The following ECPAS variants were observed in gnomAD, a reference collection of about 807,000 sequenced individuals.
ECPAS encodes the protein proteasome adapter and scaffold protein ECM29.
A neutral mutation model predicts 255.1 loss-of-function variants in ECPAS; 70 were observed. The ratio of observed to expected loss-of-function variants is 0.27; its 90% CI spans 0.23 to 0.33. The LOEUF (loss-of-function observed/expected upper bound fraction) is 0.33. ECPAS is among the 10% of genes least tolerant of loss of function. The pLI, the probability that ECPAS is intolerant of heterozygous loss-of-function variation, is 1.00. For missense variants in ECPAS, 1,817 were observed against 2,206.4 expected, an observed-to-expected ratio of 0.82 and a Z score of 3.54; for synonymous variants, 784 against 775.0, an observed-to-expected ratio of 1.01 and a Z score of -0.19.
chr9:111,409,102 G>T (rs1387485653), intron 23 of ECPAS, among the ~76,000 whole-genome samples: 1 of 152,088 alleles, frequency 6.6e-6, no homozygotes, highest in African/African-American at 2.4e-5. Context: ...TATTTCACTA[G>T]ACCTTTTAGA....
chr9:111,397,093 T>C lies in ECPAS; in HGVS notation c.2713A>G (p.Thr905Ala). The change falls in exon 25 of 50, where the codon ACT becomes GCT. Residue 905 changes from threonine (T) to alanine (A), a missense_variant. Physicochemically the swap from Thr to Ala is moderately conservative, Grantham distance 58 (BLOSUM62 0). Coordinates refer to ENST00000684092, the MANE Select transcript of ECPAS (RefSeq NM_001364929.1). ...GEAITSAAIG[T>A]SSVAARDAWQ... ...GCATCTCGGGCAGCCACAGAACTAG[T>C]TCCTATTGCAGCACTGGTAATGGCT... The C allele has an allele frequency of 6.2e-7, 1 of 1,613,962 alleles. No homozygotes were observed. Among genetic ancestry groups the C allele is most frequent in the African/African-American group, 1.3e-5 (1 of 75,068 alleles).
At chr9:111,408,859 G>A (rs981847038) in intron 23 of ECPAS, among the ~76,000 whole-genome samples, 187 bp from the exon 24 acceptor site, 1 of 152,144 alleles carries the variant, frequency 6.6e-6, no homozygotes, top group East Asian at 1.9e-4. Context: ...ACACACAAAT[G>A]TGAGTCCACT....
chr9:111,462,640 A>T (rs2098274481), intron 2 of ECPAS, among the ~76,000 whole-genome samples: 1 of 152,180 alleles, frequency 6.6e-6, no homozygotes, highest in Non-Finnish European at 1.5e-5. Context: ...TCTGGAAATA[A>T]ATCTAATGAA....
intron 2 of ECPAS, among the ~76,000 whole-genome samples, chr9:111,462,104 T>C (rs1330644322): frequency 5.9e-5 from 9 of 152,186 alleles, no homozygotes; most frequent in Admixed American, 5.9e-4. Flanking sequence ...CAATTCCAGA[T>C]GGATCATAAA....
chr9:111,459,774 G>A (rs778117615), intron 2 of ECPAS, among the ~76,000 whole-genome samples: 28 of 152,002 alleles, frequency 1.8e-4, no homozygotes, highest in Non-Finnish European at 7.4e-5. Flanking sequence ...TAAAAAACTG[G>A]TTCATTCTAA....
chr9:111,388,530 A>G (rs908272100), intron 31 of ECPAS, among the ~76,000 whole-genome samples: 2 of 151,846 alleles, frequency 1.3e-5, no homozygotes, highest in Non-Finnish European at 2.9e-5. Context: ...TGTAAGACAT[A>G]GTAAGGATCA....
In ECPAS at chr9:111,442,466, C is replaced by T. The variant is rs768340217; in HGVS notation, c.271-42G>A. On this transcript the variant is annotated intron_variant, in intron 4 of 49. Transcript: ENST00000684092. ...AAAGCAAGTGAGTGTGAAGGAAATA[C>T]TCTATGATTTCAATGAAAATATATG... 4.5e-6 allele frequency: 5 copies of T among 1,120,576 alleles called. No homozygotes were observed. The Admixed American group carries it at 6.0e-5, about 14-fold the overall frequency. 69.4% of individuals were successfully genotyped at this position (1,120,576 alleles called of 1,614,324 possible).
chr9:111,384,627 C>T (rs1328408483), intron 33 of ECPAS, 58 bp from the exon 34 acceptor site: 2 of 1,494,228 alleles, frequency 1.3e-6, no homozygotes, highest in Non-Finnish European at 9.3e-7. Flanking sequence ...ATCATCTACT[C>T]TACAATTTGC....
chr9:111,458,025 A>G (rs2098268969), intron 2 of ECPAS, among the ~76,000 whole-genome samples: 1 of 152,226 alleles, frequency 6.6e-6, no homozygotes, highest in Non-Finnish European at 1.5e-5. Flanking sequence ...CACACATGAG[A>G]AACACACATT....
chr9:111,431,069 C>T (rs892529557), intron 8 of ECPAS, among the ~76,000 whole-genome samples: 1 of 152,230 alleles, frequency 6.6e-6, no homozygotes, highest in South Asian at 2.1e-4. Flanking sequence ...AAATTTTTAC[C>T]CATGAAATTA....
At chr9:111,426,559 A>G (rs2098221886) in intron 10 of ECPAS, among the ~76,000 whole-genome samples, 1 of 152,102 alleles carries the variant, frequency 6.6e-6, no homozygotes, top group South Asian at 2.1e-4. Flanking sequence ...AGATACACAC[A>G]TTAAAATGAT....
At chr9:111,438,429 C>T (rs778458845) in intron 6 of ECPAS, among the ~76,000 whole-genome samples, 1 of 151,208 alleles carries the variant, frequency 6.6e-6, no homozygotes, top group Admixed American at 6.6e-5. Flanking sequence ...AGTTTGGTGA[C>T]CCCCTATCTC....
chr9:111,449,085 T>C (rs1477470442), intron 3 of ECPAS, among the ~76,000 whole-genome samples: 1 of 152,248 alleles, frequency 6.6e-6, no homozygotes, highest in Admixed American at 6.5e-5. Flanking sequence ...CAGTTTCATC[T>C]GTAAAATGGG....
chr9:111,472,851 TG>T, intron 2 of ECPAS, 45 bp downstream of exon 2: 1 of 627,288 alleles, frequency 1.6e-6, no homozygotes, highest in Non-Finnish European at 2.4e-6. Flanking sequence ...TTTTAAATGC[TG>T]CTACAAAAAA....
chr9:111,410,840 T>C, intron 22 of ECPAS, 140 bp downstream of exon 22: 1 of 923,534 alleles, frequency 1.1e-6, no homozygotes, highest in Non-Finnish European at 1.6e-6. Context: ...TAAAAATACA[T>C]TATTTATCAA....
intron 3 of ECPAS, 86 bp downstream of exon 3, chr9:111,451,339 C>T (rs1402232368): frequency 2.3e-6 from 3 of 1,333,060 alleles, no homozygotes; most frequent in South Asian, 2.7e-5. Context: ...AAACCTAGAA[C>T]TCAATAATGG....
At chr9:111,474,714 C>T (rs757616851) in intron 1 of ECPAS, among the ~76,000 whole-genome samples, 4 of 152,188 alleles carry the variant, frequency 2.6e-5, no homozygotes, top group Non-Finnish European at 4.4e-5. Flanking sequence ...ACATCCCACA[C>T]CAAAAATAAT....
chr9:111,434,423 ACT>A (rs2098234644), intron 7 of ECPAS, among the ~76,000 whole-genome samples: 1 of 152,200 alleles, frequency 6.6e-6, no homozygotes, highest in Non-Finnish European at 1.5e-5. Context: ...AAAAAGAATT[ACT>A]TTTTTAAAAA....
intron 24 of ECPAS, among the ~76,000 whole-genome samples, chr9:111,399,390 C>A (rs376477143): frequency 6.6e-6 from 1 of 152,178 alleles, no homozygotes; most frequent in Non-Finnish European, 1.5e-5. Flanking sequence ...CACCCCTCCC[C>A]GAGTCCCAGG....
Sources: allele counts gnomAD v4.1 joint callset (sites outside exome capture counted in the v4.1 genomes callset), GRCh38; gene constraint gnomAD v4.1.1; transcripts MANE v1.5; gene names NCBI Gene and HGNC (gene_info 2026-07-23, HGNC 2026-07-21).